Variants in COQ6 observed in about 807,000 individuals in gnomAD.
COQ6 encodes the protein ubiquinone biosynthesis monooxygenase COQ6, mitochondrial.
A neutral mutation model predicts 55.5 loss-of-function variants in COQ6; 45 were observed. The ratio of observed to expected loss-of-function variants is 0.81; its 90% CI spans 0.64 to 1.04. The LOEUF (loss-of-function observed/expected upper bound fraction) is 1.04, where lower values mean the gene tolerates loss of function less well. Among genes scored for constraint, COQ6 ranks in the 50% least tolerant of loss-of-function variants. COQ6 has a pLI of 0.00. For missense variants in COQ6, 550 were observed against 601.3 expected, an observed-to-expected ratio of 0.91 and a Z score of 0.89; for synonymous variants, 206 against 230.5, an observed-to-expected ratio of 0.89 and a Z score of 0.96.
rs887504724 is a variant in COQ6 at position 73,954,694 on chromosome 14, A to C, written c.299-757A>C. ...CTGTCTCTACTAAAAATACAAAAAA[A>C]TGAGCCGGGCATGGCGGCGGATGCC... On this transcript the variant is annotated intron_variant, in intron 2 of 11. Transcript: ENST00000334571. Among the ~76,000 whole-genome samples, 28 of 151,626 alleles carry C rather than the reference A, an allele frequency of 1.8e-4. No homozygotes were observed. In the East Asian group the frequency reaches 4.0e-3, roughly 22 times the overall value.
chr14:73,960,965 C>T (rs190433845), intron 8 of COQ6: 3 of 671,672 alleles, frequency 4.5e-6, no homozygotes, highest in South Asian at 1.7e-5. Flanking sequence ...GGGGCCAGCT[C>T]ATGTACAGTT....
Position 73,963,130 on chromosome 14 carries a change from G to A in COQ6, c.*131G>A. ...CATTAAAATTCTCTTTTTCTTCTTT[G>A]CTTAATGGGCCTGTGGCACCCAAAT... On this transcript the variant is annotated 3_prime_UTR_variant, in exon 12 of 12. Transcript: ENST00000334571. The A allele has an allele frequency of 1.2e-6, 1 of 826,822 alleles. No homozygotes were observed. The highest frequency in any genetic ancestry group is 1.4e-5 in the South Asian group (1 of 69,468). The allele number at this position is 826,822 out of a possible 1,614,324, so 51.2% of individuals were successfully genotyped here. A position where few individuals can be genotyped will look rare whatever the true frequency, so the allele number is the denominator to read the frequency against.
chr14:73,953,355 G>GGTTA (rs1369586135), intron 1 of COQ6, 80 bp from the exon 2 acceptor site: 1 of 1,202,842 alleles, frequency 8.3e-7, no homozygotes, highest in Non-Finnish European at 1.2e-6. Flanking sequence ...AGGGTTAAGT[G>GGTTA]GTTACTCTGT....
chr14:73,955,965 A>C (rs2056411220), intron 4 of COQ6, 37 bp downstream of exon 4: 1 of 1,613,252 alleles, frequency 6.2e-7, no homozygotes, highest in African/African-American at 1.3e-5. Context: ...TTCATTGGGA[A>C]GTGAACTGCT....
chr14:73,959,770 A>G (rs2056624905), intron 8 of COQ6: 1 of 1,173,034 alleles, frequency 8.5e-7, no homozygotes, highest in Non-Finnish European at 1.1e-6. Flanking sequence ...AGGTTTCACC[A>G]TGTTGGCCAG....
At position 73,958,524 on chromosome 14, in the gene COQ6, CAG is replaced by C. The variant is rs1427255293; in HGVS notation, c.612+250_612+251del. On this transcript the variant is annotated intron_variant, in intron 5 of 11. Coordinates refer to ENST00000334571, the MANE Select transcript of COQ6 (RefSeq NM_182476.3). ...TAGCTGGGCCTCACAGGACAGGCAC[CAG>C]AGTGTTGGGAATGGAGGCTGTTCTT... 3.7e-6 allele frequency: 5 copies of C among 1,337,928 alleles called. No homozygotes were observed. The African/African-American group carries it at 7.4e-5, about 20-fold the overall frequency. 82.9% of individuals were successfully genotyped at this position (1,337,928 alleles called of 1,614,324 possible).
intron 1 of COQ6, among the ~76,000 whole-genome samples, chr14:73,951,072 C>T (rs1462753267): frequency 6.6e-6 from 1 of 152,226 alleles, no homozygotes; most frequent in Non-Finnish European, 1.5e-5. Context: ...TCACGGCTCA[C>T]TGTAGCCTCA....
Position 73,959,419 on chromosome 14 carries a change from C to T in COQ6, c.788C>T (p.Ser263Leu), listed in dbSNP as rs773056960. ...ATTGGTGTTCTTTTGACACAGCTCT[C>T]AGACACCTTGAGTTCCTTGGTTTGG... ...PSGPIALLPL[S>L]DTLSSLVWST... The change falls in exon 8 of 12, where the codon TCA (serine) becomes TTA (leucine). Residue 263 changes from serine to leucine, a missense_variant. Ser to Leu is a moderately radical substitution (Grantham distance 145). Transcript: ENST00000334571. 2 of 1,614,180 alleles carry T rather than the reference C, an allele frequency of 1.2e-6. No homozygotes were observed. The highest frequency in any genetic ancestry group is 3.3e-5 in the Admixed American group (2 of 60,022).
chr14:73,962,429 C>T (rs1158904802), intron 11 of COQ6, among the ~76,000 whole-genome samples: 4 of 152,098 alleles, frequency 2.6e-5, no homozygotes, highest in African/African-American at 7.2e-5. Context: ...TGTGGTGGCA[C>T]ATGCCTGTAG....
chr14:73,958,913 C>A, intron 5 of COQ6, 58 bp from the exon 6 acceptor site: 1 of 1,606,062 alleles, frequency 6.2e-7, no homozygotes, highest in Non-Finnish European at 8.5e-7. Context: ...CAGAGAAAAA[C>A]TTCTGAAGCA....
At position 73,963,118 on chromosome 14, in the gene COQ6, T is replaced by C. The variant is rs1434768168; in HGVS notation, c.*119T>C. ...AAACTTACTTTACATTAAAATTCTCTTTTTCTTCTTTGCTTAATGGGCCTG... is the reference window on the plus strand; with the variant it reads ...AAACTTACTTTACATTAAAATTCTCCTTTTCTTCTTTGCTTAATGGGCCTG... On this transcript the variant is annotated 3_prime_UTR_variant, in exon 12 of 12. Transcript: ENST00000334571. 2 of 916,574 alleles carry C rather than the reference T, an allele frequency of 2.2e-6. No homozygotes were observed. Among genetic ancestry groups the C allele is most frequent in the Admixed American group, 1.9e-5 (1 of 53,686 alleles). The allele number at this position is 916,574 out of a possible 1,614,324, so 56.8% of individuals were successfully genotyped here.
intron 4 of COQ6, chr14:73,956,131 T>C (rs1420212277): frequency 1.5e-5 from 8 of 551,390 alleles, no homozygotes; most frequent in Non-Finnish European, 1.6e-5. Flanking sequence ...GAGACCATCC[T>C]GGCTAACATG....
Position 73,963,181 on chromosome 14 carries a change from G to C in COQ6, c.*182G>C, listed in dbSNP as rs2140432350. Reference sequence around the variant, plus strand: ...AATGAATGATAATTTGCTGTGAGGAGCGTATATTAGCCAGACCAAAGGAAA... The same window carrying C: ...AATGAATGATAATTTGCTGTGAGGACCGTATATTAGCCAGACCAAAGGAAA... On this transcript the variant is annotated 3_prime_UTR_variant, in exon 12 of 12. Transcript: ENST00000334571. 4 of 681,226 alleles carry C rather than the reference G, an allele frequency of 5.9e-6. No homozygotes were observed. In the East Asian group the frequency reaches 1.1e-4, roughly 18 times the overall value. The allele number at this position is 681,226 out of a possible 1,614,324, so 42.2% of individuals were successfully genotyped here.
chr14:73,958,234 A>C lies in COQ6; in HGVS notation c.569A>C (p.His190Pro), dbSNP rs1348257527. 6.2e-7 allele frequency: 1 copy of C among 1,613,952 alleles called. No individual in the cohort carries two copies. The highest frequency in any genetic ancestry group is 8.5e-7 in the Non-Finnish European group (1 of 1,179,894). Residue 190 changes from histidine to proline, a missense_variant, in exon 5 of 12, where the codon CAT becomes CCT. By Grantham distance (77) the His-to-Pro change is moderately conservative (BLOSUM62 -2). Coordinates refer to ENST00000334571, the MANE Select transcript of COQ6 (RefSeq NM_182476.3). ...FPMADSSPWV[H>P]ITLGDGSTFQ... The stretch of plus-strand genomic sequence containing the variant: ...ATGGCCGACTCCAGCCCTTGGGTTC[A>C]TATTACCCTAGGTGATGGCAGCACC...
rs768103757 is a variant in COQ6, at chr14:73,955,573, C to T, written c.357+64C>T. ...GTCTGTCTTAAGATATCGGAGTCCA[C>T]TTTCTCCAAGTGTTCTGTGAATGTA... On this transcript the variant is annotated intron_variant, in intron 3 of 11. Coordinates refer to ENST00000334571, the MANE Select transcript of COQ6 (RefSeq NM_182476.3). 82 of 1,506,736 alleles carry T rather than the reference C, an allele frequency of 5.4e-5. No individual in the cohort carries two copies. In the Admixed American group the frequency reaches 1.3e-3, roughly 25 times the overall value. The allele number at this position is 1,506,736 out of a possible 1,614,324, so 93.3% of individuals were successfully genotyped here. A position where few individuals can be genotyped will look rare whatever the true frequency, so the allele number is the denominator to read the frequency against.
chr14:73,963,023 T>A lies in COQ6; in HGVS notation c.*24T>A. The A allele has an allele frequency of 6.3e-7, 1 of 1,583,014 alleles. No individual in the cohort carries two copies. Among genetic ancestry groups the A allele is most frequent in the South Asian group, 1.1e-5 (1 of 90,476 alleles). ...GAGTACTCCTCTCCTAAAGAAAGATTACGTTGATGAAAAAGAACATCCTGC... is the reference window on the plus strand; with the variant it reads ...GAGTACTCCTCTCCTAAAGAAAGATAACGTTGATGAAAAAGAACATCCTGC... On this transcript the variant is annotated 3_prime_UTR_variant, in exon 12 of 12. Transcript: ENST00000334571.
intron 1 of COQ6, among the ~76,000 whole-genome samples, chr14:73,953,058 C>T (rs994107380): frequency 6.6e-6 from 1 of 152,154 alleles, no homozygotes; most frequent in Non-Finnish European, 1.5e-5. Flanking sequence ...TTCTTTTGAA[C>T]AGGAGTTGTA....
chr14:73,961,032 C>A (rs1212255094), intron 8 of COQ6, 141 bp from the exon 9 acceptor site: 1 of 954,106 alleles, frequency 1.0e-6, no homozygotes, highest in Non-Finnish European at 1.6e-6. Flanking sequence ...ACTTGAGGGG[C>A]TTATCACTTG....
Position 73,961,225 on chromosome 14 carries a change from AG to A in COQ6, c.945del (p.Gln315HisfsTer7). On this transcript the variant is annotated frameshift_variant, in exon 9 of 12. Transcript: ENST00000334571. LOFTEE classifies it high-confidence loss of function. ...DFIDTAGAMLQYAVSLLKPTK... is the reference protein window; with the variant it reads ...DFIDTAGAMLXYAVSLLKPTK... ...ATCGACACAGCTGGTGCCATGCTGCAGTATGCTGTCAGCCTTCTGAAGCCCA... is the reference window on the plus strand; with the variant it reads ...ATCGACACAGCTGGTGCCATGCTGCATATGCTGTCAGCCTTCTGAAGCCCA... The A allele has an allele frequency of 6.2e-7, 1 of 1,614,098 alleles. No homozygotes were observed. The highest frequency in any genetic ancestry group is 2.2e-5 in the East Asian group (1 of 44,894).
Sources: gnomAD v4.1 joint callset for allele counts (sites outside exome capture counted in the v4.1 genomes callset) on GRCh38, gnomAD v4.1.1 for gene constraint, MANE v1.5 for transcripts, NCBI Gene and HGNC (gene_info 2026-07-23, HGNC 2026-07-21) for gene names.